The following DNM3 variants were observed in gnomAD, a reference collection of about 807,000 sequenced individuals.
DNM3 encodes dynamin 3, also known as dynamin-3.
DNM3 carries 47 observed loss-of-function variants against 101.6 expected under a neutral mutation model. The observed-to-expected ratio is 0.46, with a 90% CI of 0.37 to 0.59. The LOEUF is 0.59. DNM3 is among the 20% of genes least tolerant of loss of function. DNM3 has a pLI of 0.00. For synonymous variants in DNM3, 385 were observed against 387.9 expected (o/e 0.99, Z 0.09); for missense variants, 849 against 1,085.7 (o/e 0.78, Z 3.06).
intron 14 of DNM3, among the ~76,000 whole-genome samples, chr1:172,173,369 G>A (rs1381479332): frequency 1.3e-5 from 2 of 151,628 alleles, no homozygotes; most frequent in Non-Finnish European, 3.0e-5. Context: ...GAAGATGCAG[G>A]GGGTGGGGAT....
intron 15 of DNM3, among the ~76,000 whole-genome samples, chr1:172,279,079 C>T (rs7550558): frequency 2.0e-5 from 3 of 152,024 alleles, no homozygotes; most frequent in South Asian, 2.1e-4. Flanking sequence ...GTTGAGGAAA[C>T]GATTGATGCT....
Position 172,340,168 on chromosome 1 carries a change from GGA to G in DNM3, c.1893+16832_1893+16833del, listed in dbSNP as rs1026284162. Among the ~76,000 whole-genome samples, 50 of 152,306 alleles carry G rather than the reference GGA, an allele frequency of 3.3e-4. 1 individual carries two copies. The highest frequency in any genetic ancestry group is 6.8e-3 in the Middle Eastern group (2 of 294). On this transcript the variant is annotated intron_variant, in intron 17 of 20. Transcript: ENST00000627582. ...GAGAGGTGGCAAGGACCTGAACCAA[GGA>G]GAGTTTTAAGGAATAGATGATGATG...
intron 14 of DNM3, among the ~76,000 whole-genome samples, chr1:172,194,360 G>C (rs558359302): frequency 6.6e-6 from 1 of 152,306 alleles, no homozygotes; most frequent in East Asian, 1.9e-4. Flanking sequence ...GGAGAGTCCT[G>C]TAGATGTCTA....
At chr1:172,354,098 T>TGA (rs1330964893) in intron 17 of DNM3, among the ~76,000 whole-genome samples, 21 of 58,710 alleles carry the variant, frequency 3.6e-4, no homozygotes, top group African/African-American at 1.5e-3. Context: ...GGTGTGTGTG[T>TGA]GTGTGTGTGT....
chr1:171,984,644 A>G (rs2045107879), intron 2 of DNM3, among the ~76,000 whole-genome samples: 1 of 152,122 alleles, frequency 6.6e-6, no homozygotes. Flanking sequence ...TATTTTCTCC[A>G]TAGCACTTAG....
chr1:172,310,148 A>G (rs917579364), intron 16 of DNM3: 2 of 152,244 alleles, frequency 1.3e-5, no homozygotes, highest in African/African-American at 2.4e-5. Context: ...TAAAGACTAC[A>G]TGTGAGAAGT....
intron 1 of DNM3, among the ~76,000 whole-genome samples, chr1:171,855,665 T>C (rs562979840): frequency 6.6e-6 from 1 of 152,192 alleles, no homozygotes; most frequent in Non-Finnish European, 1.5e-5. Flanking sequence ...TCTTCTCATA[T>C]CCCTGTTGGC....
intron 11 of DNM3, among the ~76,000 whole-genome samples, chr1:172,080,253 A>T (rs1038101456): frequency 6.6e-6 from 1 of 152,154 alleles, no homozygotes; most frequent in African/African-American, 2.4e-5. Context: ...GCTCTGTCCC[A>T]GGAAGATGGG....
intron 14 of DNM3, among the ~76,000 whole-genome samples, chr1:172,238,010 A>T (rs534458380): frequency 6.6e-6 from 1 of 152,280 alleles, no homozygotes; most frequent in South Asian, 2.1e-4. Flanking sequence ...CACTGGAGGA[A>T]AGTACATAAC....
chr1:172,015,527 T>C (rs552132822), intron 4 of DNM3, among the ~76,000 whole-genome samples: 1 of 152,320 alleles, frequency 6.6e-6, no homozygotes, highest in Admixed American at 6.5e-5. Flanking sequence ...TTTGGGGGGT[T>C]CTAATGTAAA....
chr1:172,248,895 A>G (rs1557879607), intron 14 of DNM3, among the ~76,000 whole-genome samples: 3 of 152,188 alleles, frequency 2.0e-5, no homozygotes, highest in Admixed American at 6.6e-5. Flanking sequence ...TATGCCTAGC[A>G]TCATGCTAGG....
intron 18 of DNM3, among the ~76,000 whole-genome samples, chr1:172,386,611 A>C (rs1370328165): frequency 6.6e-6 from 1 of 152,214 alleles, no homozygotes; most frequent in Non-Finnish European, 1.5e-5. Flanking sequence ...ATATTCACTT[A>C]CTGGTGCTAA....
intron 1 of DNM3, among the ~76,000 whole-genome samples, chr1:171,917,310 C>T (rs949085159): frequency 2.0e-5 from 3 of 152,088 alleles, no homozygotes; most frequent in Non-Finnish European, 4.4e-5. Flanking sequence ...TTTCTTGATA[C>T]AGCTAGTGTG....
chr1:172,281,128 A>ATTT (rs2063475902), intron 15 of DNM3, among the ~76,000 whole-genome samples: 1 of 151,892 alleles, frequency 6.6e-6, no homozygotes, highest in Non-Finnish European at 1.5e-5. Context: ...TAGCAGAATT[A>ATTT]AATTGTGGGA....
At chr1:172,350,417 T>A (rs1027767611) in intron 17 of DNM3, among the ~76,000 whole-genome samples, 1 of 152,072 alleles carries the variant, frequency 6.6e-6, no homozygotes, top group Non-Finnish European at 1.5e-5. Flanking sequence ...AGAGCTGGAT[T>A]TTTTTTGCAA....
chr1:172,042,196 GT>G (rs997005663), intron 8 of DNM3, 52 bp downstream of exon 8: 1 of 1,514,368 alleles, frequency 6.6e-7, no homozygotes, highest in Non-Finnish European at 8.8e-7. Flanking sequence ...TCCATATTCT[GT>G]TTTATACAAC....
intron 1 of DNM3, among the ~76,000 whole-genome samples, chr1:171,857,976 A>G (rs1455122673): frequency 6.6e-6 from 1 of 152,178 alleles, no homozygotes; most frequent in African/African-American, 2.4e-5. Flanking sequence ...GAAGGCAACC[A>G]TCATCAAGTC....
chr1:172,336,525 A>G (rs1247391284), intron 17 of DNM3, among the ~76,000 whole-genome samples: 1 of 149,692 alleles, frequency 6.7e-6, no homozygotes, highest in African/African-American at 2.4e-5. Context: ...TAATTTATAT[A>G]TTACATTTTT....
At chr1:172,350,754 T>C (rs2067169111) in intron 17 of DNM3, among the ~76,000 whole-genome samples, 1 of 152,186 alleles carries the variant, frequency 6.6e-6, no homozygotes. Flanking sequence ...TCTATCTGTA[T>C]ATACATGGAG....
Sources: gnomAD v4.1 joint callset for allele counts (sites outside exome capture counted in the v4.1 genomes callset) on GRCh38, gnomAD v4.1.1 for gene constraint, MANE v1.5 for transcripts, NCBI Gene and HGNC (gene_info 2026-07-23, HGNC 2026-07-21) for gene names.